Variants in C11orf87 observed in about 807,000 individuals in gnomAD.
The protein encoded by C11orf87 is uncharacterized protein C11orf87.
C11orf87 carries 3 observed loss-of-function variants against 9.2 expected under a neutral mutation model. The ratio of observed to expected loss-of-function variants is 0.33; its 90% CI spans 0.15 to 0.84. The LOEUF (loss-of-function observed/expected upper bound fraction) is 0.84, where lower values mean the gene tolerates loss of function less well. Among genes scored for constraint, C11orf87 ranks in the 40% least tolerant of loss-of-function variants. The probability of loss-of-function intolerance (pLI) is 0.55; values close to 1 mark genes in which losing one functional copy is unlikely to be tolerated. For missense variants in C11orf87, 256 were observed against 270.7 expected (o/e 0.95, Z 0.38); for synonymous variants, 124 against 124.6 (o/e 1.00, Z 0.03).
chr11:109,423,546 C>T lies in C11orf87; in HGVS notation c.-88C>T, dbSNP rs546617775. ...CGCTACAGGGAGCAGTTTTGGGTGG[C>T]GTGGGCTCCGTCCTCTTCTTGGCTG... On this transcript the variant is annotated 5_prime_UTR_variant, in exon 2 of 2. Transcript: ENST00000327419. This position sits in a 1 kb window ranked among gnomAD's most constrained non-coding sequence, Gnocchi z 5.3. 1.5e-6 allele frequency: 2 copies of T among 1,346,102 alleles called. No individual in the cohort carries two copies. The highest frequency in any genetic ancestry group is 1.4e-5 in the South Asian group (1 of 71,504). 83.4% of individuals were successfully genotyped at this position (1,346,102 alleles called of 1,614,324 possible). A position where few individuals can be genotyped will look rare whatever the true frequency, so the allele number is the denominator to read the frequency against.
In C11orf87 at chr11:109,423,835, G is replaced by C. The variant is rs1860530545; in HGVS notation, c.202G>C (p.Val68Leu). Residue 68 changes from valine (V) to leucine (L), a missense_variant, in exon 2 of 2, where the codon GTT becomes CTT. Val to Leu is a conservative substitution (Grantham distance 32). Transcript: ENST00000327419. The surrounding 1 kb of genome is among the most constrained non-coding windows in gnomAD (Gnocchi z 5.3). ...CTCCACGCTGGTGCTGATTGTCCTG[G>C]TTACCCTCATCTTCTGCCTCATCGT... ...FSSTLVLIVLVTLIFCLIVLS... is the reference protein window; with the variant it reads ...FSSTLVLIVLLTLIFCLIVLS... 1.2e-6 allele frequency: 2 copies of C among 1,614,128 alleles called. No individual in the cohort carries two copies. The highest frequency in any genetic ancestry group is 4.5e-5 in the East Asian group (2 of 44,864).
Position 109,427,797 on chromosome 11 carries a change from C to G in C11orf87, c.*3570C>G, listed in dbSNP as rs1860592453. 6.6e-6 allele frequency: 1 copy of G among 152,058 alleles called. No individual in the cohort carries two copies. Among genetic ancestry groups the G allele is most frequent in the African/African-American group, 2.4e-5 (1 of 41,410 alleles). The allele number at this position is 152,058 out of a possible 1,614,324, so 9.4% of individuals were successfully genotyped here. A position where few individuals can be genotyped will look rare whatever the true frequency, so the allele number is the denominator to read the frequency against. On this transcript the variant is annotated 3_prime_UTR_variant, in exon 2 of 2. Coordinates refer to ENST00000327419, the MANE Select transcript of C11orf87 (RefSeq NM_207645.4). The stretch of plus-strand genomic sequence containing the variant: ...GATGTAGATGGATATAATATTTAGA[C>G]TTTATATACACCCATAGATATGTAT...
At chr11:109,422,820 G>C (rs993226663) in intron 1 of C11orf87, among the ~76,000 whole-genome samples, 1 of 148,394 alleles carries the variant, frequency 6.7e-6, no homozygotes, top group Non-Finnish European at 1.5e-5. Flanking sequence ...AGCCGCGGTC[G>C]CGGACAGAGG....
At position 109,424,241 on chromosome 11, in the gene C11orf87, C is replaced by CTCGTTCCCCGTCCTCGTTTCCAGCAA. The variant is rs1860540784; in HGVS notation, c.*39_*40insATCGTTCCCCGTCCTCGTTTCCAGCA. 2 of 1,592,522 alleles carry CTCGTTCCCCGTCCTCGTTTCCAGCAA rather than the reference C, an allele frequency of 1.3e-6. No homozygotes were observed. Among genetic ancestry groups the CTCGTTCCCCGTCCTCGTTTCCAGCAA allele is most frequent in the Non-Finnish European group, 1.7e-6 (2 of 1,167,040 alleles). On this transcript the variant is annotated 3_prime_UTR_variant, in exon 2 of 2. Transcript: ENST00000327419. The surrounding 1 kb of genome is among the most constrained non-coding windows in gnomAD (Gnocchi z 4.7). The stretch of plus-strand genomic sequence containing the variant: ...GTACTGTCCTGATCGTCTAGCCCCT[C>CTCGTTCCCCGTCCTCGTTTCCAGCAA]TCGTTCCCCGTCCTCGTTTCCAGCA...
Position 109,427,008 on chromosome 11 carries a change from A to C in C11orf87, c.*2781A>C, listed in dbSNP as rs1860580923. On this transcript the variant is annotated 3_prime_UTR_variant, in exon 2 of 2. Coordinates refer to ENST00000327419, the MANE Select transcript of C11orf87 (RefSeq NM_207645.4). Reference sequence around the variant, plus strand: ...CATATGTTCTTGCCTTATGAATCATAGTATATTCAAGGCATGCAATAATAA... The same window carrying C: ...CATATGTTCTTGCCTTATGAATCATCGTATATTCAAGGCATGCAATAATAA... 6.6e-6 allele frequency: 1 copy of C among 152,236 alleles called. No individual in the cohort carries two copies. Among genetic ancestry groups the C allele is most frequent in the Non-Finnish European group, 1.5e-5 (1 of 68,032 alleles). The allele number at this position is 152,236 out of a possible 1,614,324, so 9.4% of individuals were successfully genotyped here.
At chr11:109,422,637 G>A (rs1458570268) in intron 1 of C11orf87, among the ~76,000 whole-genome samples, 2 of 151,858 alleles carry the variant, frequency 1.3e-5, no homozygotes, top group African/African-American at 4.8e-5. Flanking sequence ...AAAGAAGCAG[G>A]CTACTGCCAA....
rs1446113057 is a variant in C11orf87 at position 109,423,030 on chromosome 11, G to GAGAGCC, written c.-259-344_-259-339dup. 7.2e-5 allele frequency among the ~76,000 whole-genome samples: 11 copies of GAGAGCC among 152,138 alleles called. No homozygotes were observed. Among genetic ancestry groups the GAGAGCC allele is most frequent in the Non-Finnish European group, 1.5e-4 (10 of 68,020 alleles). The stretch of plus-strand genomic sequence containing the variant: ...TCAACCGAGAGGGCGCAGAAAAGAG[G>GAGAGCC]AGAGCCGGCGCTCTGGGAAGTAGGG... On this transcript the variant is annotated intron_variant, in intron 1 of 1. Transcript: ENST00000327419. This position sits in a 1 kb window ranked among gnomAD's most constrained non-coding sequence, Gnocchi z 5.3.
In C11orf87 at chr11:109,428,436, A is replaced by C. The variant is rs1860600956; in HGVS notation, c.*4209A>C. ...ATGGTTAAATTTTTATTTTTTTATC[A>C]TGTAGACATATGCTTTCATGCTTTT... On this transcript the variant is annotated 3_prime_UTR_variant, in exon 2 of 2. Coordinates refer to ENST00000327419, the MANE Select transcript of C11orf87 (RefSeq NM_207645.4). 1 of 151,968 alleles carries C rather than the reference A, an allele frequency of 6.6e-6. No homozygotes were observed. The highest frequency in any genetic ancestry group is 2.4e-5 in the African/African-American group (1 of 41,296). The allele number at this position is 151,968 out of a possible 1,614,324, so 9.4% of individuals were successfully genotyped here.
rs1185368073 is a variant in C11orf87 at position 109,425,732 on chromosome 11, G to C, written c.*1505G>C. The C allele has an allele frequency of 6.6e-6, 1 of 152,430 alleles. No homozygotes were observed. The highest frequency in any genetic ancestry group is 1.5e-5 in the Non-Finnish European group (1 of 68,032). 9.4% of individuals were successfully genotyped at this position (152,430 alleles called of 1,614,324 possible). A position where few individuals can be genotyped will look rare whatever the true frequency, so the allele number is the denominator to read the frequency against. Reference sequence around the variant, plus strand: ...GTGCCTGTAGTTCTCCCTGCATGCAGTTACCACCTGGAGGCAGTGGTGTGT... The same window carrying C: ...GTGCCTGTAGTTCTCCCTGCATGCACTTACCACCTGGAGGCAGTGGTGTGT... On this transcript the variant is annotated 3_prime_UTR_variant, in exon 2 of 2. Transcript: ENST00000327419.
chr11:109,423,570 T>A lies in C11orf87; in HGVS notation c.-64T>A. ...GCGTGGGCTCCGTCCTCTTCTTGGCTGGTAGGAACGGTGTGCCCAAGAGGG... is the reference window on the plus strand; with the variant it reads ...GCGTGGGCTCCGTCCTCTTCTTGGCAGGTAGGAACGGTGTGCCCAAGAGGG... On this transcript the variant is annotated 5_prime_UTR_variant, in exon 2 of 2. Transcript: ENST00000327419. This position sits in a 1 kb window ranked among gnomAD's most constrained non-coding sequence, Gnocchi z 5.3. 6.8e-7 allele frequency: 1 copy of A among 1,467,298 alleles called. No homozygotes were observed. Among genetic ancestry groups the A allele is most frequent in the Non-Finnish European group, 9.0e-7 (1 of 1,105,398 alleles). The allele number at this position is 1,467,298 out of a possible 1,614,324, so 90.9% of individuals were successfully genotyped here. A position where few individuals can be genotyped will look rare whatever the true frequency, so the allele number is the denominator to read the frequency against.
rs1241832776 is a variant in C11orf87, at chr11:109,427,494, G to T, written c.*3267G>T. On this transcript the variant is annotated 3_prime_UTR_variant, in exon 2 of 2. Transcript: ENST00000327419. The stretch of plus-strand genomic sequence containing the variant: ...CACTGCTTCTTATAGGGCTCAATTG[G>T]CAGTCTCAGGAGCTTGGGATGCTAC... 1 of 152,086 alleles carries T rather than the reference G, an allele frequency of 6.6e-6. No homozygotes were observed. The highest frequency in any genetic ancestry group is 1.5e-5 in the Non-Finnish European group (1 of 67,990). 9.4% of individuals were successfully genotyped at this position (152,086 alleles called of 1,614,324 possible). A position where few individuals can be genotyped will look rare whatever the true frequency, so the allele number is the denominator to read the frequency against.
rs1167107740 is a variant in C11orf87, at chr11:109,427,468, G to T, written c.*3241G>T. The T allele has an allele frequency of 1.3e-5, 2 of 152,144 alleles. No individual in the cohort carries two copies. The highest frequency in any genetic ancestry group is 2.9e-5 in the Non-Finnish European group (2 of 68,004). 9.4% of individuals were successfully genotyped at this position (152,144 alleles called of 1,614,324 possible). ...GCAATTTGTACAGACCTTGTTTAAA[G>T]CACTGCTTCTTATAGGGCTCAATTG... On this transcript the variant is annotated 3_prime_UTR_variant, in exon 2 of 2. Coordinates refer to ENST00000327419, the MANE Select transcript of C11orf87 (RefSeq NM_207645.4).
chr11:109,423,653 A>C lies in C11orf87; in HGVS notation c.20A>C (p.Lys7Thr). MSARAP[K>T]ELRLALPPCL... Reference sequence around the variant, plus strand: ...GCGCCAATGAGTGCCAGGGCGCCGAAGGAGCTGAGGCTGGCGTTGCCGCCG... The same window carrying C: ...GCGCCAATGAGTGCCAGGGCGCCGACGGAGCTGAGGCTGGCGTTGCCGCCG... The change falls in exon 2 of 2, where the codon AAG (lysine) becomes ACG (threonine). Residue 7 changes from lysine to threonine, a missense_variant. Lys to Thr is a moderately conservative substitution (Grantham distance 78). Transcript: ENST00000327419. This position sits in a 1 kb window ranked among gnomAD's most constrained non-coding sequence, Gnocchi z 5.3. 1 of 1,603,510 alleles carries C rather than the reference A, an allele frequency of 6.2e-7. No homozygotes were observed. The highest frequency in any genetic ancestry group is 8.5e-7 in the Non-Finnish European group (1 of 1,179,358).
intron 1 of C11orf87, among the ~76,000 whole-genome samples, chr11:109,422,491 G>A (rs1209574512): frequency 6.6e-6 from 1 of 152,224 alleles, no homozygotes; most frequent in Admixed American, 6.5e-5. Flanking sequence ...TCTCCTGTGC[G>A]CTGCGGGTCT....
Position 109,423,841 on chromosome 11 carries a change from C to T in C11orf87, c.208C>T (p.Leu70Phe), listed in dbSNP as rs1394895327. ...GCTGGTGCTGATTGTCCTGGTTACC[C>T]TCATCTTCTGCCTCATCGTGCTGTC... The part of the protein sequence containing the change: ...STLVLIVLVT[L>F]IFCLIVLSLS... Residue 70 changes from leucine (L) to phenylalanine (F), a missense_variant, in exon 2 of 2, where the codon CTC (leucine) becomes TTC (phenylalanine). Coordinates refer to ENST00000327419, the MANE Select transcript of C11orf87 (RefSeq NM_207645.4). The surrounding 1 kb of genome is among the most constrained non-coding windows in gnomAD (Gnocchi z 5.3). 1.2e-6 allele frequency: 2 copies of T among 1,614,172 alleles called. No homozygotes were observed. Among genetic ancestry groups the T allele is most frequent in the Non-Finnish European group, 1.7e-6 (2 of 1,179,974 alleles).
chr11:109,422,722 CTTTTTTTTTTTTT>C lies in C11orf87; in HGVS notation c.-260+473_-260+485del, dbSNP rs772868114. ...TCAGCTGAGAAAGATGCTTCAGCTG[CTTTTTTTTTTTTT>C]TTTTTTTTTTTTTGGAGAGGGGAGA... On this transcript the variant is annotated intron_variant, in intron 1 of 1. Transcript: ENST00000327419. 7.4e-4 allele frequency among the ~76,000 whole-genome samples: 53 copies of C among 71,424 alleles called. 1 individual carries two copies. The highest frequency in any genetic ancestry group is 3.4e-3 in the African/African-American group (49 of 14,490). 46.9% of individuals were successfully genotyped at this position (71,424 alleles called of 152,430 possible). A position where few individuals can be genotyped will look rare whatever the true frequency, so the allele number is the denominator to read the frequency against.
rs7116461 is a variant in C11orf87 at position 109,425,824 on chromosome 11, A to G, written c.*1597A>G. Reference sequence around the variant, plus strand: ...GGGATGTTGGGCAATTTGGATGATAAGACATGCGAATTTCAAGAAAAGCTA... The same window carrying G: ...GGGATGTTGGGCAATTTGGATGATAGGACATGCGAATTTCAAGAAAAGCTA... On this transcript the variant is annotated 3_prime_UTR_variant, in exon 2 of 2. Transcript: ENST00000327419. 0.39 allele frequency: 59,444 copies of G among 152,142 alleles called. 11,629 individuals carry two copies. The highest frequency in any genetic ancestry group is 0.45 in the Admixed American group (6,869 of 15,276). 9.4% of individuals were successfully genotyped at this position (152,142 alleles called of 1,614,324 possible). A position where few individuals can be genotyped will look rare whatever the true frequency, so the allele number is the denominator to read the frequency against.
Position 109,424,830 on chromosome 11 carries a change from A to G in C11orf87, c.*603A>G, listed in dbSNP as rs1860549134. On this transcript the variant is annotated 3_prime_UTR_variant, in exon 2 of 2. Coordinates refer to ENST00000327419, the MANE Select transcript of C11orf87 (RefSeq NM_207645.4). This position sits in a 1 kb window ranked among gnomAD's most constrained non-coding sequence, Gnocchi z 4.7. ...TTAAGCACCAGGACTGCAAGAGGCC[A>G]TAGAGAATAGTCCCCGGAAAGTGTT... The G allele has an allele frequency of 1.2e-5, 2 of 167,184 alleles. No individual in the cohort carries two copies. Among genetic ancestry groups the G allele is most frequent in the South Asian group, 2.1e-4 (1 of 4,830 alleles). 10.4% of individuals were successfully genotyped at this position (167,184 alleles called of 1,614,324 possible). A position where few individuals can be genotyped will look rare whatever the true frequency, so the allele number is the denominator to read the frequency against.
intron 1 of C11orf87, among the ~76,000 whole-genome samples, 163 bp downstream of exon 1, chr11:109,422,426 T>TCGCTACTC (rs1277656305): frequency 1.3e-5 from 2 of 152,156 alleles, no homozygotes; most frequent in Non-Finnish European, 2.9e-5. Context: ...GCGCGCTACC[T>TCGCTACTC]CGCTACTCCG....
Sources: allele counts gnomAD v4.1 joint callset (sites outside exome capture counted in the v4.1 genomes callset), GRCh38; gene constraint gnomAD v4.1.1; non-coding constraint Gnocchi (gnomAD v3.1); transcripts MANE v1.5; gene names NCBI Gene and HGNC (gene_info 2026-07-23, HGNC 2026-07-21).